The following WDR33 variants were observed in gnomAD, a reference collection of about 807,000 sequenced individuals.
WDR33 encodes WD repeat domain 33, also known as pre-mRNA 3' end processing protein WDR33.
Under a neutral mutation model 164.9 loss-of-function variants are expected in WDR33, and 47 were observed. The ratio of observed to expected loss-of-function variants is 0.29; its 90% CI spans 0.23 to 0.36. The LOEUF is 0.36. WDR33 is among the 10% of genes least tolerant of loss of function. The pLI is 1.00. For missense variants in WDR33, 1,137 were observed against 1,754.1 expected (o/e 0.65, Z 6.28); for synonymous variants, 505 against 589.0 (o/e 0.86, Z 2.06).
intron 7 of WDR33, among the ~76,000 whole-genome samples, chr2:127,752,591 C>T (rs1194934145): frequency 4.3e-5 from 5 of 116,472 alleles, no homozygotes; most frequent in South Asian, 2.7e-4. Context: ...AGCGAGACTC[C>T]GTCTCAAAAA....
intron 9 of WDR33, 39 bp downstream of exon 9, chr2:127,725,022 G>A (rs764998924): frequency 2.5e-6 from 4 of 1,614,132 alleles, no homozygotes; most frequent in African/African-American, 1.3e-5. Context: ...AATGTTACAG[G>A]TAACAGTGGT....
Position 127,770,928 on chromosome 2 carries a change from C to T in WDR33, c.54G>A (p.Gln18=). The T allele has an allele frequency of 1.9e-6, 3 of 1,614,040 alleles. No homozygotes were observed. Among genetic ancestry groups the T allele is most frequent in the Non-Finnish European group, 2.5e-6 (3 of 1,180,002 alleles). The change falls in exon 2 of 22, where the codon CAG becomes CAA. Residue 18 remains glutamine (Q), a synonymous_variant. Coordinates refer to ENST00000322313, the MANE Select transcript of WDR33 (RefSeq NM_018383.5). The surrounding 1 kb of genome is among the most constrained non-coding windows in gnomAD (Gnocchi z 4.9). The part of the protein sequence containing the change: ...PPRFFHMPRF[Q]HQAPRQLFYK... ...AAAACAGCTGTCGAGGTGCCTGGTG[C>T]TGGAACCTTGGCATATGGAAAAAAC...
chr2:127,774,737 G>A (rs1402970458), intron 1 of WDR33, among the ~76,000 whole-genome samples: 1 of 152,100 alleles, frequency 6.6e-6, no homozygotes, highest in Non-Finnish European at 1.5e-5. Flanking sequence ...GGCTGAGGCA[G>A]GAGAATGGCG....
In WDR33 at chr2:127,764,767, C is replaced by G. The variant is rs755960123; in HGVS notation, c.626+61G>C. On this transcript the variant is annotated intron_variant, in intron 6 of 21. Coordinates refer to ENST00000322313, the MANE Select transcript of WDR33 (RefSeq NM_018383.5). This position sits in a 1 kb window ranked among gnomAD's most constrained non-coding sequence, Gnocchi z 6.2. ...CATGCATCTCTGCACCCAGAATACA[C>G]TTAGAGAATAATTTAACCATGACAA... is the stretch of plus-strand genomic sequence containing the variant. 6.2e-7 allele frequency: 1 copy of G among 1,614,190 alleles called. No homozygotes were observed. Among genetic ancestry groups the G allele is most frequent in the Non-Finnish European group, 8.5e-7 (1 of 1,180,032 alleles).
chr2:127,743,057 G>A (rs1687066174), intron 7 of WDR33, among the ~76,000 whole-genome samples: 1 of 152,048 alleles, frequency 6.6e-6, no homozygotes, highest in South Asian at 2.1e-4. Flanking sequence ...TATGAGTCAA[G>A]TATGATGGTA....
At position 127,703,560 on chromosome 2, in the gene WDR33, T is replaced by C. The variant is rs2105365692; in HGVS notation, c.*2763A>G. The C allele has an allele frequency of 6.0e-6, 1 of 167,230 alleles. No individual in the cohort carries two copies. Among genetic ancestry groups the C allele is most frequent in the South Asian group, 2.1e-4 (1 of 4,824 alleles). 10.4% of individuals were successfully genotyped at this position (167,230 alleles called of 1,614,324 possible). ...ACATCCACACTGTAGGCTTGCAGGC[T>C]ACCCGCCCTGAGATTTGGTAAAGAA... is the stretch of plus-strand genomic sequence containing the variant. On this transcript the variant is annotated 3_prime_UTR_variant, in exon 22 of 22. Transcript: ENST00000322313.
rs1173952321 is a variant in WDR33 at position 127,716,405 on chromosome 2, C to T, written c.2869+750G>A. Reference sequence around the variant, plus strand: ...GATTCTCCGAGTTGTGGTTTCTCCCCGTTATGAAAGTGTGTGTCGAACATA... The same window carrying T: ...GATTCTCCGAGTTGTGGTTTCTCCCTGTTATGAAAGTGTGTGTCGAACATA... On this transcript the variant is annotated intron_variant, in intron 17 of 21. Coordinates refer to ENST00000322313, the MANE Select transcript of WDR33 (RefSeq NM_018383.5). This position sits in a 1 kb window ranked among gnomAD's most constrained non-coding sequence, Gnocchi z 4.5. Among the ~76,000 whole-genome samples, 8 of 152,152 alleles carry T rather than the reference C, an allele frequency of 5.3e-5. No homozygotes were observed. Among genetic ancestry groups the T allele is most frequent in the Admixed American group, 3.9e-4 (6 of 15,270 alleles).
chr2:127,703,679 TTTAA>T lies in WDR33; in HGVS notation c.*2640_*2643del, dbSNP rs1361568011. On this transcript the variant is annotated 3_prime_UTR_variant, in exon 22 of 22. Transcript: ENST00000322313. ...CAGTATCTTCAGAATGATTTATTTT[TTTAA>T]TTAATTGTAAAGACTTGTGCCATTG... The T allele has an allele frequency of 1.8e-5, 3 of 167,120 alleles. No homozygotes were observed. The highest frequency in any genetic ancestry group is 4.8e-5 in the African/African-American group (2 of 41,468). The allele number at this position is 167,120 out of a possible 1,614,324, so 10.4% of individuals were successfully genotyped here. A position where few individuals can be genotyped will look rare whatever the true frequency, so the allele number is the denominator to read the frequency against.
At chr2:127,711,635 C>A (rs796691497) in intron 18 of WDR33, among the ~76,000 whole-genome samples, 5 of 149,348 alleles carry the variant, frequency 3.3e-5, no homozygotes, top group Admixed American at 2.7e-4. Context: ...TCCCCTCCCC[C>A]AAAACAATTG....
At chr2:127,742,864 AAAAAAAAAAC>A (rs1390365538) in intron 7 of WDR33, among the ~76,000 whole-genome samples, 1 of 151,106 alleles carries the variant, frequency 6.6e-6, no homozygotes, top group Non-Finnish European at 1.5e-5. Context: ...CACAGTTAAA[AAAAAAAAAAC>A]AAAAAAAAAC....
intron 1 of WDR33, among the ~76,000 whole-genome samples, chr2:127,775,847 G>C (rs1688169683): frequency 2.0e-5 from 3 of 151,578 alleles, no homozygotes; most frequent in Non-Finnish European, 4.4e-5. Flanking sequence ...CAGAAATAAA[G>C]GTCAAGAATG....
At position 127,757,488 on chromosome 2, in the gene WDR33, G is replaced by A. The variant is rs13406088; in HGVS notation, c.724+5574C>T. Among the ~76,000 whole-genome samples, 947 of 152,132 alleles carry A rather than the reference G, an allele frequency of 6.2e-3. 7 individuals carry two copies. Among genetic ancestry groups the A allele is most frequent in the African/African-American group, 0.022 (903 of 41,484 alleles). ...GGATAGCACAGAGCCTTAAAGAAAC[G>A]CTTCCTCAAAGTAAGAAACTGGATA... On this transcript the variant is annotated intron_variant, in intron 7 of 21. Coordinates refer to ENST00000322313, the MANE Select transcript of WDR33 (RefSeq NM_018383.5).
intron 7 of WDR33, among the ~76,000 whole-genome samples, chr2:127,747,627 G>C (rs780882281): frequency 3.3e-5 from 5 of 152,160 alleles, no homozygotes; most frequent in Non-Finnish European, 7.3e-5. Context: ...TATCTGAAGA[G>C]GCTGCTTTTG....
At chr2:127,760,038 T>G (rs184771300) in intron 7 of WDR33, among the ~76,000 whole-genome samples, 1 of 152,228 alleles carries the variant, frequency 6.6e-6, no homozygotes, top group African/African-American at 2.4e-5. Flanking sequence ...GACTTAATTT[T>G]TGGTATTCCC....
chr2:127,786,384 T>C (rs555279643), intron 1 of WDR33, among the ~76,000 whole-genome samples: 3 of 152,344 alleles, frequency 2.0e-5, no homozygotes, highest in African/African-American at 4.8e-5. Context: ...TATTACAATA[T>C]AGAAATACAA....
chr2:127,778,514 A>C (rs1432496912), intron 1 of WDR33, among the ~76,000 whole-genome samples: 5 of 150,256 alleles, frequency 3.3e-5, no homozygotes, highest in African/African-American at 7.3e-5. Context: ...CCAGACAATG[A>C]ACACACACAC....
In WDR33 at chr2:127,795,337, G is replaced by C. The variant is rs527633395; in HGVS notation, c.-24+15675C>G. Reference sequence around the variant, plus strand: ...GATGGTCCAGAACTCCTGACCTCGTGATCTGCCCACCTCAGCCTCCCAAAG... The same window carrying C: ...GATGGTCCAGAACTCCTGACCTCGTCATCTGCCCACCTCAGCCTCCCAAAG... On this transcript the variant is annotated intron_variant, in intron 1 of 21. Transcript: ENST00000322313. Among the ~76,000 whole-genome samples the C allele has an allele frequency of 2.6e-5, 4 of 151,800 alleles. No homozygotes were observed. In the East Asian group the frequency reaches 7.7e-4, roughly 29 times the overall value.
At position 127,723,372 on chromosome 2, in the gene WDR33, A is replaced by G; in HGVS notation, c.1197-25T>C. The G allele has an allele frequency of 6.2e-7, 1 of 1,604,580 alleles. No individual in the cohort carries two copies. Among genetic ancestry groups the G allele is most frequent in the South Asian group, 1.1e-5 (1 of 90,890 alleles). ...GCTGTAAAAATAATTAAAGGAGAAA[A>G]GAAGCATGGCTTCACTATTTTTTTG... On this transcript the variant is annotated intron_variant, in intron 11 of 21. Coordinates refer to ENST00000322313, the MANE Select transcript of WDR33 (RefSeq NM_018383.5). The surrounding 1 kb of genome is among the most constrained non-coding windows in gnomAD (Gnocchi z 5.9).
chr2:127,747,588 C>A (rs1403049645), intron 7 of WDR33, among the ~76,000 whole-genome samples: 1 of 152,170 alleles, frequency 6.6e-6, no homozygotes, highest in Non-Finnish European at 1.5e-5. Context: ...TGGGAAAATT[C>A]TATACGCCAG....
Sources: gnomAD v4.1 joint callset for allele counts (sites outside exome capture counted in the v4.1 genomes callset) on GRCh38, gnomAD v4.1.1 for gene constraint, Gnocchi (gnomAD v3.1) non-coding constraint, MANE v1.5 for transcripts, NCBI Gene and HGNC (gene_info 2026-07-23, HGNC 2026-07-21) for gene names.